The following CELF2 variants were observed in gnomAD, a reference collection of about 807,000 sequenced individuals.
The protein encoded by CELF2 is CUGBP Elav-like family member 2, also known as CUG triplet repeat RNA-binding protein 2.
CELF2 carries 8 observed loss-of-function variants against 62.6 expected under a neutral mutation model. The observed-to-expected ratio is 0.13, with a 90% CI of 0.07 to 0.23. The LOEUF (loss-of-function observed/expected upper bound fraction) is 0.23, where lower values mean the gene tolerates loss of function less well. CELF2 is among the 10% of genes least tolerant of loss of function. The pLI is 1.00. For missense variants in CELF2, 333 were observed against 671.0 expected (o/e 0.50, Z 5.56); for synonymous variants, 258 against 250.0 (o/e 1.03, Z -0.30).
chr10:10,644,749 T>C, the CELF2 span, among the ~76,000 whole-genome samples: 22 of 152,192 alleles, frequency 1.4e-4, no homozygotes, highest in Admixed American at 6.5e-4. Flanking sequence ...GTCTAAAGTA[T>C]CTCCCCCCAC....
intron 2 of CELF2, chr10:10,929,617 T>C (rs1176101083): frequency 6.6e-6 from 1 of 152,246 alleles, no homozygotes; most frequent in Non-Finnish European, 1.5e-5. Context: ...TTTGACCTTG[T>C]GCAAGTTTCT....
chr10:10,656,313 C>T, the CELF2 span, among the ~76,000 whole-genome samples: 47 of 149,392 alleles, frequency 3.1e-4, no homozygotes, highest in Non-Finnish European at 4.9e-4. Context: ...GTCAGTGTGG[C>T]GATTCCTCAG....
the CELF2 span, among the ~76,000 whole-genome samples, chr10:10,693,495 G>A: frequency 5.7e-3 from 870 of 151,362 alleles, 9 homozygotes; most frequent in African/African-American, 0.02. Context: ...GTCTCTGCCC[G>A]GCTTTGGTAT....
intron 9 of CELF2, among the ~76,000 whole-genome samples, chr10:11,301,961 G>C (rs963203919): frequency 6.6e-6 from 1 of 152,224 alleles, no homozygotes; most frequent in African/African-American, 2.4e-5. Flanking sequence ...AGCCGCCTCC[G>C]CCTTCGCTGG....
intron 1 of CELF2, among the ~76,000 whole-genome samples, chr10:11,115,346 C>T (rs947610581): frequency 1.3e-5 from 2 of 152,100 alleles, no homozygotes; most frequent in African/African-American, 4.8e-5. Flanking sequence ...ATGCTACAGG[C>T]GTTTAACATA....
upstream of CELF2, among the ~76,000 whole-genome samples, chr10:11,014,439 A>G (rs989887465): frequency 2.8e-4 from 43 of 152,360 alleles, no homozygotes; most frequent in Non-Finnish European, 2.5e-4. Flanking sequence ...GGGTCACGAT[A>G]TATCAAGCAC....
At chr10:11,108,136 G>A (rs954270119) in intron 1 of CELF2, among the ~76,000 whole-genome samples, 23 of 105,786 alleles carry the variant, frequency 2.2e-4, no homozygotes, top group Non-Finnish European at 2.1e-4. Context: ...TAGATGTGCA[G>A]TGCTGATTGG....
chr10:11,127,168 G>C (rs912727159), intron 1 of CELF2, among the ~76,000 whole-genome samples: 2 of 152,088 alleles, frequency 1.3e-5, no homozygotes, highest in Admixed American at 1.3e-4. Flanking sequence ...CCTTATGATA[G>C]TTTGCTCAGA....
rs138503519 is a variant in CELF2 at position 11,196,024 on chromosome 10, A to G, written c.272-21401A>G. ...CACGTCCATGGTAAAAGAGCACCTC[A>G]GGCAGGGGAGAAAAAAAAAAAAACT... On this transcript the variant is annotated intron_variant, in intron 2 of 12. Coordinates refer to ENST00000633077, the MANE Select transcript of CELF2 (RefSeq NM_001326342.2). 6.7e-3 allele frequency among the ~76,000 whole-genome samples: 746 copies of G among 111,322 alleles called. 5 individuals carry two copies. The highest frequency in any genetic ancestry group is 0.017 in the Middle Eastern group (4 of 230). 73.0% of individuals were successfully genotyped at this position (111,322 alleles called of 152,430 possible). A position where few individuals can be genotyped will look rare whatever the true frequency, so the allele number is the denominator to read the frequency against.
Position 11,239,762 on chromosome 10 carries a change from G to A in CELF2, c.355-9391G>A, listed in dbSNP as rs148785128. 9.2e-3 allele frequency among the ~76,000 whole-genome samples: 1,405 copies of A among 152,164 alleles called. 19 individuals carry two copies. Among genetic ancestry groups the A allele is most frequent in the East Asian group, 0.035 (180 of 5,186 alleles). Reference sequence around the variant, plus strand: ...TTATAAAATTATGTCAGCAAATGGTGATTGAAAGTTTTCTGACAAGGCACA... The same window carrying A: ...TTATAAAATTATGTCAGCAAATGGTAATTGAAAGTTTTCTGACAAGGCACA... On this transcript the variant is annotated intron_variant, in intron 3 of 12. Transcript: ENST00000633077.
At chr10:10,753,712 T>C in the CELF2 span, among the ~76,000 whole-genome samples, 1 of 152,246 alleles carries the variant, frequency 6.6e-6, no homozygotes, top group Non-Finnish European at 1.5e-5. Flanking sequence ...AGTAAAATTC[T>C]TCCTAATTTT....
Position 11,314,063 on chromosome 10 carries a change from G to C in CELF2, c.977-76G>C, listed in dbSNP as rs191084386. On this transcript the variant is annotated intron_variant, in intron 9 of 12. Coordinates refer to ENST00000633077, the MANE Select transcript of CELF2 (RefSeq NM_001326342.2). This position sits in a 1 kb window ranked among gnomAD's most constrained non-coding sequence, Gnocchi z 5.3. ...CCTCAGCTCCGTCCACTGAGATGATGACAGAAGGATTTCCAGTCTCGGCTC... is the reference window on the plus strand; with the variant it reads ...CCTCAGCTCCGTCCACTGAGATGATCACAGAAGGATTTCCAGTCTCGGCTC... The C allele has an allele frequency of 1.2e-5, 17 of 1,449,924 alleles. No homozygotes were observed. The highest frequency in any genetic ancestry group is 1.5e-5 in the Non-Finnish European group (16 of 1,050,486). The allele number at this position is 1,449,924 out of a possible 1,614,324, so 89.8% of individuals were successfully genotyped here.
chr10:11,176,258 G>A (rs1203428475), intron 2 of CELF2, among the ~76,000 whole-genome samples: 1 of 152,122 alleles, frequency 6.6e-6, no homozygotes, highest in African/African-American at 2.4e-5. Context: ...TTTCACTGAT[G>A]AGCCTTTCTG....
intron 9 of CELF2, among the ~76,000 whole-genome samples, chr10:11,303,240 C>T (rs141422120): frequency 3.5e-4 from 54 of 152,282 alleles, no homozygotes; most frequent in South Asian, 6.2e-4. Flanking sequence ...TCCCTTGCCT[C>T]TCTAGGCTCA....
chr10:11,256,183 C>T (rs774422764), intron 4 of CELF2, among the ~76,000 whole-genome samples: 2 of 152,206 alleles, frequency 1.3e-5, no homozygotes, highest in Non-Finnish European at 2.9e-5. Flanking sequence ...ATTAAAATTA[C>T]ATTTTAGAAA....
chr10:10,662,055 GA>G, the CELF2 span, among the ~76,000 whole-genome samples: 9 of 152,122 alleles, frequency 5.9e-5, no homozygotes, highest in East Asian at 1.8e-3. Context: ...GAGGTCAAGG[GA>G]AAGTCCCTGG....
At chr10:10,797,513 A>AT (rs2054215926), upstream of CELF2, among the ~76,000 whole-genome samples, 1 of 152,166 alleles carries the variant, frequency 6.6e-6, no homozygotes, top group South Asian at 2.1e-4. Context: ...AGTGAAGCTG[A>AT]TTTTCCATTT....
chr10:10,700,567 G>C, the CELF2 span, among the ~76,000 whole-genome samples: 2 of 152,152 alleles, frequency 1.3e-5, no homozygotes, highest in African/African-American at 4.8e-5. Context: ...ACCAGAGACT[G>C]AGCGCTGGGG....
At chr10:10,768,254 T>C in the CELF2 span, among the ~76,000 whole-genome samples, 115 of 152,142 alleles carry the variant, frequency 7.6e-4, no homozygotes, top group African/African-American at 2.6e-3. Flanking sequence ...CACCTACCTT[T>C]CTGAGTTGCA....
Sources: allele counts gnomAD v4.1 joint callset (sites outside exome capture counted in the v4.1 genomes callset), GRCh38; gene constraint gnomAD v4.1.1; non-coding constraint Gnocchi (gnomAD v3.1); transcripts MANE v1.5; gene names NCBI Gene and HGNC (gene_info 2026-07-23, HGNC 2026-07-21).